SYT3: variants seen among roughly 807,000 people sequenced by gnomAD.
SYT3 encodes the protein synaptotagmin-3.
In SYT3, 25 loss-of-function variants were observed where a neutral mutation model predicts 50.6. That is an observed-to-expected ratio of 0.49 (90% CI 0.36 to 0.69). SYT3 has a LOEUF of 0.69. SYT3 is among the 30% of genes least tolerant of loss of function. SYT3 has a pLI of 0.00. For synonymous variants in SYT3, 323 were observed against 353.9 expected, an observed-to-expected ratio of 0.91 and a Z score of 0.98; for missense variants, 589 against 793.6, an observed-to-expected ratio of 0.74 and a Z score of 3.10.
upstream of SYT3, among the ~76,000 whole-genome samples, chr19:50,643,815 C>T (rs1348463246): frequency 6.6e-6 from 1 of 151,992 alleles, no homozygotes; most frequent in Non-Finnish European, 1.5e-5. Flanking sequence ...AATCAAATAA[C>T]TACACATACT....
the SYT3 span, among the ~76,000 whole-genome samples, chr19:50,647,996 C>T: frequency 5.3e-5 from 8 of 152,220 alleles, no homozygotes; most frequent in East Asian, 1.9e-4. Flanking sequence ...ATAACGGAAA[C>T]GCAAATCAAA....
chr19:50,637,380 C>CT lies in SYT3; in HGVS notation c.31_32insA (p.Arg11GlnfsTer18). 6.2e-7 allele frequency: 1 copy of CT among 1,608,734 alleles called. No homozygotes were observed. Among genetic ancestry groups the CT allele is most frequent in the Non-Finnish European group, 8.5e-7 (1 of 1,177,564 alleles). On this transcript the variant is annotated frameshift_variant, in exon 3 of 11. Coordinates refer to ENST00000600079, the MANE Select transcript of SYT3 (RefSeq NM_001160329.2). LOFTEE classifies it high-confidence loss of function. This position sits in a 1 kb window ranked among gnomAD's most constrained non-coding sequence, Gnocchi z 4.9. ...GTCCGAGACCAGGATGAGTGCCCGCCGGCAGAGGTCATCCTCGTAGTCTCC... is the reference window on the plus strand; with the variant it reads ...GTCCGAGACCAGGATGAGTGCCCGCCTGGCAGAGGTCATCCTCGTAGTCTCC...
upstream of SYT3, among the ~76,000 whole-genome samples, chr19:50,641,168 ATTTTTTTTTT>A (rs566141853): frequency 2.0e-4 from 12 of 60,244 alleles, no homozygotes; most frequent in East Asian, 9.6e-4. Flanking sequence ...GAGCCCAGGA[ATTTTTTTTTT>A]TTTTTTTTTT....
rs1392128137 is a variant in SYT3 at position 50,639,803 on chromosome 19, TGCCGCCGCTGCC to T, written c.-179_-168del. ...GAGCGGACTCACCCGGAGCCGCCGC[TGCCGCCGCTGCC>T]GCCGCCGCCGCCGCCGCAGCCCCGC... is the stretch of plus-strand genomic sequence containing the variant. On this transcript the variant is annotated 5_prime_UTR_variant, in exon 1 of 11. Coordinates refer to ENST00000600079, the MANE Select transcript of SYT3 (RefSeq NM_001160329.2). The surrounding 1 kb of genome is among the most constrained non-coding windows in gnomAD (Gnocchi z 4.6). The T allele has an allele frequency of 0.011, 69 of 6,044 alleles. No homozygotes were observed. The highest frequency in any genetic ancestry group is 0.04 in the Non-Finnish European group (60 of 1,494). 0.4% of individuals were successfully genotyped at this position (6,044 alleles called of 1,614,324 possible). A position where few individuals can be genotyped will look rare whatever the true frequency, so the allele number is the denominator to read the frequency against.
chr19:50,632,883 G>C lies in SYT3; in HGVS notation c.149-72C>G, dbSNP rs181646939. 7.8e-7 allele frequency: 1 copy of C among 1,274,224 alleles called. No individual in the cohort carries two copies. Among genetic ancestry groups the C allele is most frequent in the South Asian group, 2.1e-5 (1 of 47,084 alleles). The allele number at this position is 1,274,224 out of a possible 1,614,324, so 78.9% of individuals were successfully genotyped here. A position where few individuals can be genotyped will look rare whatever the true frequency, so the allele number is the denominator to read the frequency against. ...ACATCCTCCCTCTGCTGTCCCCAAAGAGTTAACCCTTCATATTTGCCATGC... is the reference window on the plus strand; with the variant it reads ...ACATCCTCCCTCTGCTGTCCCCAAACAGTTAACCCTTCATATTTGCCATGC... On this transcript the variant is annotated intron_variant, in intron 3 of 10. Coordinates refer to ENST00000600079, the MANE Select transcript of SYT3 (RefSeq NM_001160329.2). The surrounding 1 kb of genome is among the most constrained non-coding windows in gnomAD (Gnocchi z 4.7).
chr19:50,622,454 C>T lies in SYT3; in HGVS notation c.*31G>A. 2.4e-6 allele frequency: 1 copy of T among 416,600 alleles called. No individual in the cohort carries two copies. The highest frequency in any genetic ancestry group is 4.5e-6 in the Non-Finnish European group (1 of 220,598). The allele number at this position is 416,600 out of a possible 1,614,324, so 25.8% of individuals were successfully genotyped here. A position where few individuals can be genotyped will look rare whatever the true frequency, so the allele number is the denominator to read the frequency against. On this transcript the variant is annotated 3_prime_UTR_variant, in exon 11 of 11. Coordinates refer to ENST00000600079, the MANE Select transcript of SYT3 (RefSeq NM_001160329.2). Reference sequence around the variant, plus strand: ...GGAAAGGATGGGGTCCTGAGGGAGCCTGGTCCGATCCCGGGCCTAGGCCAG... The same window carrying T: ...GGAAAGGATGGGGTCCTGAGGGAGCTTGGTCCGATCCCGGGCCTAGGCCAG...
At chr19:50,655,982 T>A in the SYT3 span, 3 of 1,440,212 alleles carry the variant, frequency 2.1e-6, no homozygotes, top group African/African-American at 4.2e-5. Context: ...CAATTGGTGA[T>A]GGCCATTTAA....
At position 50,630,052 on chromosome 19, in the gene SYT3, T is replaced by A; in HGVS notation, c.794A>T (p.Lys265Ile). Residue 265 changes from lysine to isoleucine, a missense_variant, in exon 5 of 11, where the codon AAA (lysine) becomes ATA (isoleucine). Physicochemically the swap from Lys to Ile is moderately radical, Grantham distance 102. This residue lies in a region of SYT3 where 316 missense variants were observed against 354.3 expected (regional missense o/e 0.89). Transcript: ENST00000600079. ...CTCTGGCTTAATCTGCCCAATGAGT[T>A]TGGCTTTTTCCTCGCCTCCAGGCAG... ...LPLPGGEEKA[K>I]LIGQIKPELY... is the part of the protein sequence containing the mutation. 1 of 1,613,988 alleles carries A rather than the reference T, an allele frequency of 6.2e-7. No homozygotes were observed. The highest frequency in any genetic ancestry group is 2.2e-5 in the East Asian group (1 of 44,868).
chr19:50,637,397 G>A lies in SYT3; in HGVS notation c.15C>T (p.Tyr5=), dbSNP rs3815749. 0.17 allele frequency: 266,906 copies of A among 1,603,250 alleles called. 23,724 individuals carry two copies. Among genetic ancestry groups the A allele is most frequent in the Non-Finnish European group, 0.18 (212,877 of 1,174,410 alleles). The change falls in exon 3 of 11, where the codon TAC becomes TAT. Residue 5 remains tyrosine (Y), a synonymous_variant. Transcript: ENST00000600079. This position sits in a 1 kb window ranked among gnomAD's most constrained non-coding sequence, Gnocchi z 4.9. MSGD[Y]EDDLCRRALI... ...GTGCCCGCCGGCAGAGGTCATCCTC[G>A]TAGTCTCCTGACATGGTGGCCGTCT...
At chr19:50,636,824 T>C (rs1397281301) in intron 3 of SYT3, among the ~76,000 whole-genome samples, 1 of 152,226 alleles carries the variant, frequency 6.6e-6, no homozygotes, top group Non-Finnish European at 1.5e-5. Context: ...AGGTGTTATA[T>C]CATTTAAGTC....
upstream of SYT3, among the ~76,000 whole-genome samples, chr19:50,641,060 A>C (rs1190602612): frequency 2.6e-5 from 4 of 152,074 alleles, no homozygotes; most frequent in African/African-American, 4.8e-5. Context: ...TCTACAAAAC[A>C]AAAAAACCAA....
chr19:50,635,521 C>T (rs1984468605), intron 3 of SYT3, among the ~76,000 whole-genome samples: 1 of 152,116 alleles, frequency 6.6e-6, no homozygotes. Flanking sequence ...AAGGTTTGGC[C>T]CTTGATCAGC....
upstream of SYT3, among the ~76,000 whole-genome samples, chr19:50,640,172 C>A (rs1029416296): frequency 5.3e-5 from 8 of 152,144 alleles, no homozygotes; most frequent in Non-Finnish European, 1.0e-4. Flanking sequence ...GCCCTCCAAC[C>A]TGAGCCGCTC....
Position 50,637,644 on chromosome 19 carries a change from G to A in SYT3, c.-15-218C>T. 1 of 478,504 alleles carries A rather than the reference G, an allele frequency of 2.1e-6. No individual in the cohort carries two copies. The highest frequency in any genetic ancestry group is 3.5e-5 in the South Asian group (1 of 28,842). 29.6% of individuals were successfully genotyped at this position (478,504 alleles called of 1,614,324 possible). ...GGACAAGGAAAAGGAATTAGGAGTA[G>A]ACAGACAAGAGGGCAGAAATTAGGG... is the stretch of plus-strand genomic sequence containing the variant. On this transcript the variant is annotated intron_variant, in intron 2 of 10. Coordinates refer to ENST00000600079, the MANE Select transcript of SYT3 (RefSeq NM_001160329.2). This position sits in a 1 kb window ranked among gnomAD's most constrained non-coding sequence, Gnocchi z 4.9.
rs1355501318 is a variant in SYT3, at chr19:50,625,600, C to CT, written c.1403-37dup. The CT allele has an allele frequency of 2.0e-5, 31 of 1,530,716 alleles. No homozygotes were observed. The highest frequency in any genetic ancestry group is 2.6e-5 in the Non-Finnish European group (30 of 1,140,288). 94.8% of individuals were successfully genotyped at this position (1,530,716 alleles called of 1,614,324 possible). A position where few individuals can be genotyped will look rare whatever the true frequency, so the allele number is the denominator to read the frequency against. ...CAATGAAGTAAGGAACAGAGACTCA[C>CT]TCCCTCAGACCTAGGGGTCCAGGAC... On this transcript the variant is annotated intron_variant, in intron 7 of 10. Transcript: ENST00000600079. The surrounding 1 kb of genome is among the most constrained non-coding windows in gnomAD (Gnocchi z 7.5).
At chr19:50,647,593 T>C in the SYT3 span, among the ~76,000 whole-genome samples, 1 of 151,892 alleles carries the variant, frequency 6.6e-6, no homozygotes, top group Admixed American at 6.6e-5. Flanking sequence ...GGTGGGAGGA[T>C]TGCTTGAGCC....
rs772118764 is a variant in SYT3, at chr19:50,626,032, A to G, written c.1282-15T>C. ...TCTGCTTTTTCCTGCAGTTGGGGAA[A>G]AGGTCAGCGATATCTTGCCTCAGCC... On this transcript the variant is annotated splice_polypyrimidine_tract_variant and intron_variant, in intron 6 of 10. Coordinates refer to ENST00000600079, the MANE Select transcript of SYT3 (RefSeq NM_001160329.2). 1.2e-6 allele frequency: 2 copies of G among 1,611,972 alleles called. No homozygotes were observed. Among genetic ancestry groups the G allele is most frequent in the East Asian group, 4.5e-5 (2 of 44,806 alleles).
chr19:50,657,033 G>A, the SYT3 span, among the ~76,000 whole-genome samples: 3 of 151,132 alleles, frequency 2.0e-5, no homozygotes, highest in African/African-American at 7.3e-5. Flanking sequence ...GGAAGGGAGG[G>A]AGGGAAAGAA....
At chr19:50,652,925 T>TCCAAA in the SYT3 span, among the ~76,000 whole-genome samples, 1 of 152,216 alleles carries the variant, frequency 6.6e-6, no homozygotes, top group Admixed American at 6.5e-5. Flanking sequence ...TTTTGTGCTG[T>TCCAAA]GTGACTTTGG....
Sources: gnomAD v4.1 joint callset for allele counts (sites outside exome capture counted in the v4.1 genomes callset) on GRCh38, gnomAD v4.1.1 for gene constraint, gnomAD v4.1.1 regional missense constraint, Gnocchi (gnomAD v3.1) non-coding constraint, MANE v1.5 for transcripts, NCBI Gene and HGNC (gene_info 2026-07-23, HGNC 2026-07-21) for gene names.